SPEF2: variants seen among roughly 807,000 people sequenced by gnomAD.
SPEF2 encodes the protein sperm flagellar and cilia associated 2.
A neutral mutation model predicts 224.6 loss-of-function variants in SPEF2; 187 were observed. The ratio of observed to expected loss-of-function variants is 0.83; its 90% CI spans 0.74 to 0.94. The LOEUF is 0.94. SPEF2 is among the 40% of genes least tolerant of loss of function. The pLI is 0.00. For missense variants in SPEF2, 2,170 were observed against 2,135.6 expected, an observed-to-expected ratio of 1.02 and a Z score of -0.32; for synonymous variants, 715 against 707.3, an observed-to-expected ratio of 1.01 and a Z score of -0.17.
At chr5:35,788,350 A>C in intron 30 of SPEF2, 1 of 703,056 alleles carries the variant, frequency 1.4e-6, no homozygotes, top group Non-Finnish European at 2.6e-6. Flanking sequence ...ATATTGGCCC[A>C]GTATTCAGAA....
intron 20 of SPEF2, among the ~76,000 whole-genome samples, chr5:35,713,742 T>TAC (rs1278100137): frequency 2.7e-5 from 1 of 37,594 alleles, no homozygotes; most frequent in African/African-American, 7.7e-5. Context: ...AAAATATATA[T>TAC]ATATATTTTA....
intron 23 of SPEF2, among the ~76,000 whole-genome samples, chr5:35,746,419 A>C (rs1403656506): frequency 6.6e-6 from 1 of 152,250 alleles, no homozygotes; most frequent in Non-Finnish European, 1.5e-5. Flanking sequence ...AATCCAAAAA[A>C]TGATACAAGG....
At chr5:35,655,124 C>T (rs888752919) in intron 7 of SPEF2, among the ~76,000 whole-genome samples, 1 of 152,136 alleles carries the variant, frequency 6.6e-6, no homozygotes, top group Non-Finnish European at 1.5e-5. Context: ...TCATCCTCTC[C>T]TTTTGTTCGC....
At position 35,661,254 on chromosome 5, in the gene SPEF2, T is replaced by TTATATA. The variant is rs550178866; in HGVS notation, c.1167+2087_1167+2092dup. ...AAGGAGGTTTTTTTTTTGGTATATA[T>TTATATA]TATATATATATATATATATATATAT... On this transcript the variant is annotated intron_variant, in intron 8 of 36. Coordinates refer to ENST00000356031, the MANE Select transcript of SPEF2 (RefSeq NM_024867.4). Among the ~76,000 whole-genome samples, 386 of 93,746 alleles carry TTATATA rather than the reference T, an allele frequency of 4.1e-3. 2 individuals carry two copies. The highest frequency in any genetic ancestry group is 7.5e-3 in the Middle Eastern group (1 of 134). 61.5% of individuals were successfully genotyped at this position (93,746 alleles called of 152,430 possible).
At chr5:35,665,877 C>T (rs1043447344) in intron 8 of SPEF2, among the ~76,000 whole-genome samples, 3 of 152,110 alleles carry the variant, frequency 2.0e-5, no homozygotes, top group Non-Finnish European at 4.4e-5. Context: ...TAACCCCCTT[C>T]CCAACAAAAA....
intron 34 of SPEF2, 47 bp from the exon 35 acceptor site, chr5:35,806,660 G>C (rs1580806858): frequency 6.4e-7 from 1 of 1,574,018 alleles, no homozygotes; most frequent in Non-Finnish European, 8.6e-7. Flanking sequence ...TCCATTGGTG[G>C]AAAAAACTTC....
At chr5:35,715,496 G>A (rs1180963985) in intron 20 of SPEF2, among the ~76,000 whole-genome samples, 1 of 151,896 alleles carries the variant, frequency 6.6e-6, no homozygotes, top group Admixed American at 6.6e-5. Context: ...ACATCATTCC[G>A]TGGCCCCTAT....
chr5:35,758,871 G>C (rs532519301), intron 24 of SPEF2, among the ~76,000 whole-genome samples: 2 of 151,732 alleles, frequency 1.3e-5, no homozygotes, highest in South Asian at 4.2e-4. Context: ...GAGGGCATGG[G>C]GTCAGGGCCC....
chr5:35,723,227 CAG>C (rs1356717868), intron 20 of SPEF2, among the ~76,000 whole-genome samples: 11 of 151,980 alleles, frequency 7.2e-5, no homozygotes. Flanking sequence ...TCTGGAAGAA[CAG>C]AGGAAAAAAG....
At chr5:35,787,985 C>A in intron 30 of SPEF2, 1 of 653,828 alleles carries the variant, frequency 1.5e-6, no homozygotes, top group Non-Finnish European at 2.8e-6. Flanking sequence ...TAAAAAATAT[C>A]CATGGCTTAT....
At chr5:35,789,293 A>C in intron 30 of SPEF2, 1 of 703,288 alleles carries the variant, frequency 1.4e-6, no homozygotes. Context: ...GTCCTGTGTC[A>C]ATAAGAATAG....
At chr5:35,648,780 G>A (rs185300947) in intron 5 of SPEF2, among the ~76,000 whole-genome samples, 33 of 152,204 alleles carry the variant, frequency 2.2e-4, no homozygotes, top group Middle Eastern at 3.4e-3. Flanking sequence ...TTGGAAGGCC[G>A]AGGCGGGAGG....
Position 35,709,027 on chromosome 5 carries a change from T to A in SPEF2, c.2745T>A (p.Pro915=). 1 of 1,613,600 alleles carries A rather than the reference T, an allele frequency of 6.2e-7. No homozygotes were observed. Among genetic ancestry groups the A allele is most frequent in the Non-Finnish European group, 8.5e-7 (1 of 1,179,644 alleles). ...SLAELPLPTP[P]PAPPPEPEKE... is the part of the protein sequence containing the mutation. ...CTGAGCTTCCACTTCCTACACCTCC[T>A]CCTGCTCCTCCTCCTGAACCAGAAA... Residue 915 remains proline, a synonymous_variant, in exon 19 of 37, where the codon CCT becomes CCA. Coordinates refer to ENST00000356031, the MANE Select transcript of SPEF2 (RefSeq NM_024867.4).
intron 33 of SPEF2, among the ~76,000 whole-genome samples, chr5:35,798,206 C>T (rs530233173): frequency 3.3e-5 from 5 of 152,258 alleles, no homozygotes; most frequent in South Asian, 2.1e-4. Context: ...CAGCATCCCC[C>T]GCTCAAAACT....
chr5:35,715,913 A>G (rs754928467), intron 20 of SPEF2, among the ~76,000 whole-genome samples: 10 of 149,534 alleles, frequency 6.7e-5, no homozygotes, highest in Non-Finnish European at 4.4e-5. Flanking sequence ...GGCTCTAAAA[A>G]GCGTATCAGT....
chr5:35,734,471 A>G (rs1329525009), intron 21 of SPEF2, among the ~76,000 whole-genome samples: 1 of 66,562 alleles, frequency 1.5e-5, no homozygotes, highest in East Asian at 2.8e-4. Context: ...AGAAAATCAC[A>G]AAAACATCTC....
chr5:35,797,033 A>C (rs1279013746), intron 33 of SPEF2, among the ~76,000 whole-genome samples: 1 of 152,204 alleles, frequency 6.6e-6, no homozygotes. Context: ...ATCAACATAA[A>C]CAGGTTCTTC....
At chr5:35,646,235 G>A (rs10072883) in intron 4 of SPEF2, among the ~76,000 whole-genome samples, 90,631 of 151,822 alleles carry the variant, frequency 0.6, 27,628 homozygotes, top group East Asian at 0.74. Flanking sequence ...ATTTTTATTG[G>A]GTTTCGCAGG....
chr5:35,787,900 C>T (rs1442979541), intron 30 of SPEF2: 23 of 606,242 alleles, frequency 3.8e-5, no homozygotes, highest in African/African-American at 7.4e-5. Context: ...ATAGAGTCAC[C>T]GAAAAGCAGA....
Sources: gnomAD v4.1 joint callset for allele counts (sites outside exome capture counted in the v4.1 genomes callset) on GRCh38, gnomAD v4.1.1 for gene constraint, MANE v1.5 for transcripts, NCBI Gene and HGNC (gene_info 2026-07-23, HGNC 2026-07-21) for gene names.